ASRGL1: variants seen among roughly 807,000 people sequenced by gnomAD.
ASRGL1 encodes the protein asparaginase and isoaspartyl peptidase 1.
ASRGL1 carries 16 observed loss-of-function variants against 22.4 expected under a neutral mutation model. That is an observed-to-expected ratio of 0.71 (90% confidence interval 0.48 to 1.08). ASRGL1 has a LOEUF of 1.08. Ranked by LOEUF, ASRGL1 falls within the 50% of genes least tolerant of loss-of-function variation. ASRGL1 has a pLI of 0.00. For missense variants in ASRGL1, 412 were observed against 410.1 expected (o/e 1.00, Z -0.04); for synonymous variants, 165 against 159.3 (o/e 1.04, Z -0.27).
intron 4 of ASRGL1, among the ~76,000 whole-genome samples, chr11:62,381,288 C>T (rs995575756): frequency 6.6e-6 from 1 of 152,130 alleles, no homozygotes; most frequent in Admixed American, 6.5e-5. Flanking sequence ...AATTCTGGAC[C>T]TTTTTCTTCT....
downstream of ASRGL1, among the ~76,000 whole-genome samples, chr11:62,394,538 T>C (rs1038846700): frequency 7.3e-5 from 11 of 151,296 alleles, no homozygotes; most frequent in African/African-American, 2.4e-4. Flanking sequence ...CAGAATCATG[T>C]TGGGGTTTGG....
intron 2 of ASRGL1, among the ~76,000 whole-genome samples, chr11:62,349,919 C>T (rs891185314): frequency 7.9e-5 from 12 of 152,174 alleles, no homozygotes; most frequent in South Asian, 2.1e-4. Flanking sequence ...TAAGCTGTCA[C>T]GGTGGGAGTG....
the ASRGL1 span, among the ~76,000 whole-genome samples, chr11:62,400,256 G>A: frequency 3.3e-5 from 5 of 152,316 alleles, no homozygotes; most frequent in African/African-American, 7.2e-5. Flanking sequence ...CTCACAGGGG[G>A]AACAGTAGTA....
intron 4 of ASRGL1, among the ~76,000 whole-genome samples, chr11:62,375,428 T>A (rs867750210): frequency 4.1e-4 from 28 of 68,988 alleles, no homozygotes; most frequent in South Asian, 7.0e-4. Flanking sequence ...TTGTCTTACT[T>A]TATATATATA....
intron 2 of ASRGL1, among the ~76,000 whole-genome samples, chr11:62,354,724 A>C (rs764744373): frequency 6.6e-6 from 1 of 152,126 alleles, no homozygotes; most frequent in Non-Finnish European, 1.5e-5. Flanking sequence ...TTATTTCTGG[A>C]ATTTTCCATT....
rs570674836 is a variant in ASRGL1, at chr11:62,393,339, C to T, written c.*1055C>T. On this transcript the variant is annotated 3_prime_UTR_variant, in exon 7 of 7. Transcript: ENST00000415229. The stretch of plus-strand genomic sequence containing the variant: ...GTGCTCAACGTTTTAGTCTGTCAGG[C>T]TCACCTTCTCTCTGGAAAGAATTTG... 2.6e-5 allele frequency: 4 copies of T among 152,348 alleles called. No homozygotes were observed. Among genetic ancestry groups the T allele is most frequent in the Admixed American group, 2.6e-4 (4 of 15,302 alleles). 9.4% of individuals were successfully genotyped at this position (152,348 alleles called of 1,614,324 possible). A position where few individuals can be genotyped will look rare whatever the true frequency, so the allele number is the denominator to read the frequency against.
Position 62,360,390 on chromosome 11 carries a change from AT to A in ASRGL1, c.491+3253del, listed in dbSNP as rs533992284. ...TATTTTTTTATGAAAATACATTCTC[AT>A]TTTTTTATACTTTGGATATAATTAT... On this transcript the variant is annotated intron_variant, in intron 4 of 6. Coordinates refer to ENST00000415229, the MANE Select transcript of ASRGL1 (RefSeq NM_001083926.2). Among the ~76,000 whole-genome samples the A allele has an allele frequency of 1.2e-4, 18 of 149,808 alleles. No individual in the cohort carries two copies. In the South Asian group the frequency reaches 3.6e-3, roughly 30 times the overall value.
At chr11:62,370,369 G>C (rs1192753506) in intron 4 of ASRGL1, among the ~76,000 whole-genome samples, 2 of 152,152 alleles carry the variant, frequency 1.3e-5, no homozygotes, top group Non-Finnish European at 2.9e-5. Context: ...ACTTTGCAAA[G>C]GAACTGTTAG....
chr11:62,386,706 T>C (rs1947219989), intron 4 of ASRGL1, among the ~76,000 whole-genome samples: 1 of 152,218 alleles, frequency 6.6e-6, no homozygotes, highest in Admixed American at 6.5e-5. Flanking sequence ...GTATAATTGC[T>C]GAGTCATGGA....
intron 4 of ASRGL1, among the ~76,000 whole-genome samples, chr11:62,367,951 CA>C (rs1565165522): frequency 6.6e-6 from 1 of 152,046 alleles, no homozygotes; most frequent in African/African-American, 2.4e-5. Context: ...CAAAAATAAA[CA>C]AATAAAAATA....
At chr11:62,371,131 A>G (rs1722718452) in intron 4 of ASRGL1, 1 of 1,024,120 alleles carries the variant, frequency 9.8e-7, no homozygotes, top group South Asian at 2.0e-5. Context: ...ACCAGCCGCA[A>G]CCATGCCCAG....
At chr11:62,386,689 C>T (rs11605965) in intron 4 of ASRGL1, among the ~76,000 whole-genome samples, 13,632 of 152,178 alleles carry the variant, frequency 0.09, 760 homozygotes, top group East Asian at 0.15. Context: ...TGGACAGATA[C>T]ACAGGTGTAT....
At chr11:62,394,403 T>C (rs1209612637), downstream of ASRGL1, among the ~76,000 whole-genome samples, 1 of 148,928 alleles carries the variant, frequency 6.7e-6, no homozygotes, top group Non-Finnish European at 1.5e-5. Flanking sequence ...TGACCTCATT[T>C]AACCTTAATC....
intron 2 of ASRGL1, among the ~76,000 whole-genome samples, chr11:62,339,413 A>G (rs757186269): frequency 2.6e-5 from 4 of 152,126 alleles, no homozygotes; most frequent in Non-Finnish European, 5.9e-5. Flanking sequence ...CAAGGTTCCA[A>G]AGTTTTCAGG....
At chr11:62,342,886 A>G (rs1945903060) in intron 2 of ASRGL1, among the ~76,000 whole-genome samples, 1 of 152,244 alleles carries the variant, frequency 6.6e-6, no homozygotes, top group Non-Finnish European at 1.5e-5. Flanking sequence ...CTTTTTATTG[A>G]GTAGTATTCC....
chr11:62,371,246 C>G (rs1946753854), intron 4 of ASRGL1: 2 of 1,295,666 alleles, frequency 1.5e-6, no homozygotes, highest in Non-Finnish European at 2.0e-6. Flanking sequence ...AAGCGCGAGC[C>G]TCCCGAGCGC....
intron 4 of ASRGL1, among the ~76,000 whole-genome samples, chr11:62,381,051 G>A (rs930615061): frequency 1.3e-5 from 2 of 152,130 alleles, no homozygotes; most frequent in East Asian, 1.9e-4. Flanking sequence ...ACTGAAGTTC[G>A]GCTGGCGGCC....
downstream of ASRGL1, chr11:62,393,531 C>T (rs1253607339): frequency 6.6e-6 from 1 of 152,052 alleles, no homozygotes; most frequent in East Asian, 1.9e-4. Context: ...TGATATGTGC[C>T]ACCTTGTGGA....
At chr11:62,368,832 T>G (rs1409211142) in intron 4 of ASRGL1, among the ~76,000 whole-genome samples, 2 of 152,130 alleles carry the variant, frequency 1.3e-5, no homozygotes, top group Non-Finnish European at 2.9e-5. Context: ...TCTTGGTGCA[T>G]TAAAGAGCAG....
Sources: allele counts gnomAD v4.1 joint callset (sites outside exome capture counted in the v4.1 genomes callset), GRCh38; gene constraint gnomAD v4.1.1; transcripts MANE v1.5; gene names NCBI Gene and HGNC (gene_info 2026-07-23, HGNC 2026-07-21).